ZDHHC15: variants seen among roughly 807,000 people sequenced by gnomAD.
ZDHHC15 encodes the protein palmitoyltransferase ZDHHC15.
ZDHHC15 carries 19 observed loss-of-function variants against 31.7 expected under a neutral mutation model. The observed-to-expected ratio is 0.60, with a 90% CI of 0.42 to 0.88. ZDHHC15 has a LOEUF of 0.88. Among genes scored for constraint, ZDHHC15 ranks in the 40% least tolerant of loss-of-function variants. ZDHHC15 has a pLI of 0.00. For missense variants in ZDHHC15, 209 were observed against 251.2 expected (o/e 0.83, Z 1.14); for synonymous variants, 103 against 90.0 (o/e 1.14, Z -0.82).
At chrX:75,396,070 A>G (rs184540079) in intron 10 of ZDHHC15, among the ~76,000 whole-genome samples, 11 of 112,348 alleles carry the variant, frequency 9.8e-5, no homozygotes, top group Non-Finnish European at 1.9e-4. Flanking sequence ...GAAATTCTTC[A>G]GGACATTGGA....
At chrX:75,374,942 T>C (rs1381950010) in intron 11 of ZDHHC15, among the ~76,000 whole-genome samples, 1 of 111,106 alleles carries the variant, frequency 9.0e-6, no homozygotes, top group Non-Finnish European at 1.9e-5. Context: ...GAAGAAAACC[T>C]TTGGGAGAGA....
intron 10 of ZDHHC15, among the ~76,000 whole-genome samples, chrX:75,408,346 A>C (rs1227987641): frequency 8.9e-6 from 1 of 112,320 alleles, no homozygotes; most frequent in Non-Finnish European, 1.9e-5. Context: ...AACCAAGAAA[A>C]AAAGCACATG....
chrX:75,486,124 T>C (rs779007844), intron 2 of ZDHHC15, among the ~76,000 whole-genome samples: 190 of 112,528 alleles, frequency 1.7e-3, no homozygotes, highest in African/African-American at 5.9e-3. Context: ...TCCCAAAGTA[T>C]GACACAGAGA....
In ZDHHC15 at chrX:75,414,587, G is replaced by A. The variant is rs369083070; in HGVS notation, c.967+2500C>T. On this transcript the variant is annotated intron_variant, in intron 10 of 11. Transcript: ENST00000373367. ...TGGGACTACAGGTGCCCGCAACCAC[G>A]TCTGGCTATTTTTTTTTTTTTTTTG... Among the ~76,000 whole-genome samples the A allele has an allele frequency of 7.8e-4, 59 of 75,537 alleles. 1 individual carries two copies. Among genetic ancestry groups the A allele is most frequent in the African/African-American group, 2.4e-3 (54 of 22,157 alleles). The allele number at this position is 75,537 out of a possible 115,157, so 65.6% of individuals were successfully genotyped here. A position where few individuals can be genotyped will look rare whatever the true frequency, so the allele number is the denominator to read the frequency against.
chrX:75,498,332 T>C lies in ZDHHC15; in HGVS notation c.163+7489A>G, dbSNP rs2085039406. ...GGTAAAGAGAGAAAAAAAATCCAAATCTGTAGAGAAATTCAAACTGTTGCT... is the reference window on the plus strand; with the variant it reads ...GGTAAAGAGAGAAAAAAAATCCAAACCTGTAGAGAAATTCAAACTGTTGCT... On this transcript the variant is annotated intron_variant, in intron 2 of 11. Transcript: ENST00000373367. Among the ~76,000 whole-genome samples the C allele has an allele frequency of 1.8e-5, 2 of 110,946 alleles. 1 individual carries two copies. The highest frequency in any genetic ancestry group is 1.9e-4 in the Admixed American group (2 of 10,381).
intron 10 of ZDHHC15, among the ~76,000 whole-genome samples, chrX:75,400,751 A>T (rs149874059): frequency 0.018 from 1,982 of 111,584 alleles, 48 homozygotes; most frequent in African/African-American, 0.061. Context: ...GGTCACCTTC[A>T]AAGGGATCCC....
chrX:75,376,181 AT>A (rs1222336346), intron 11 of ZDHHC15, among the ~76,000 whole-genome samples: 3 of 105,640 alleles, frequency 2.8e-5, no homozygotes, highest in Non-Finnish European at 3.9e-5. Flanking sequence ...TTTTTTTCAT[AT>A]GTTTGTTGGC....
At chrX:75,518,001 C>T (rs1434346354) in intron 1 of ZDHHC15, among the ~76,000 whole-genome samples, 1 of 109,674 alleles carries the variant, frequency 9.1e-6, no homozygotes, top group East Asian at 2.9e-4. Context: ...AACAAACAAA[C>T]AAACAAAAAA....
chrX:75,434,717 C>T (rs918054739), intron 4 of ZDHHC15, among the ~76,000 whole-genome samples: 2 of 112,125 alleles, frequency 1.8e-5, no homozygotes, highest in Non-Finnish European at 1.9e-5. Flanking sequence ...TATACCTGTA[C>T]CATGCTGCTT....
rs765755642 is a variant in ZDHHC15 at position 75,424,602 on chromosome X, C to A, written c.736+50G>T. The A allele has an allele frequency of 3.5e-6, 4 of 1,142,020 alleles. No individual in the cohort carries two copies. In the South Asian group the frequency reaches 6.7e-5, roughly 19 times the overall value. The allele number at this position is 1,142,020 out of a possible 1,213,427, so 94.1% of individuals were successfully genotyped here. ...TTAATTGGGAACAATTCACAGGTCC[C>A]TCTGATACACATTAATATGTTTTTT... is the stretch of plus-strand genomic sequence containing the variant. On this transcript the variant is annotated intron_variant, in intron 8 of 11. Transcript: ENST00000373367.
At chrX:75,404,015 G>A (rs1426793383) in intron 10 of ZDHHC15, among the ~76,000 whole-genome samples, 1 of 111,759 alleles carries the variant, frequency 8.9e-6, no homozygotes, top group Non-Finnish European at 1.9e-5. Flanking sequence ...CATAGTACTG[G>A]TACAAAAACA....
intron 10 of ZDHHC15, among the ~76,000 whole-genome samples, chrX:75,381,037 TG>T (rs1291330297): frequency 9.0e-6 from 1 of 111,497 alleles, no homozygotes; most frequent in African/African-American, 3.3e-5. Flanking sequence ...CAGTGGAGTC[TG>T]GGAAAACTTA....
intron 10 of ZDHHC15, among the ~76,000 whole-genome samples, chrX:75,413,621 C>T (rs1357220189): frequency 5.5e-5 from 6 of 108,164 alleles, no homozygotes; most frequent in South Asian, 4.1e-4. Flanking sequence ...GCCGAGATTG[C>T]GCCACTGCAC....
chrX:75,418,682 C>T (rs2083579035), intron 9 of ZDHHC15, among the ~76,000 whole-genome samples: 1 of 111,646 alleles, frequency 9.0e-6, no homozygotes, highest in East Asian at 2.8e-4. Flanking sequence ...ACCATCTGAC[C>T]TTTGACAAAA....
chrX:75,480,963 C>T lies in ZDHHC15; in HGVS notation c.164-1978G>A, dbSNP rs769068239. Among the ~76,000 whole-genome samples, 42 of 111,322 alleles carry T rather than the reference C, an allele frequency of 3.8e-4. 1 individual carries two copies. In the South Asian group the frequency reaches 0.012, roughly 32 times the overall value. On this transcript the variant is annotated intron_variant, in intron 2 of 11. Coordinates refer to ENST00000373367, the MANE Select transcript of ZDHHC15 (RefSeq NM_144969.3). The stretch of plus-strand genomic sequence containing the variant: ...TATTCTCATCATCAATAAGTGAGAG[C>T]GCCTCTTCCATTGCCCTCTAGAATT...
intron 10 of ZDHHC15, among the ~76,000 whole-genome samples, chrX:75,379,480 T>C (rs1182106537): frequency 8.9e-6 from 1 of 112,211 alleles, no homozygotes; most frequent in Non-Finnish European, 1.9e-5. Flanking sequence ...CTCAACATAA[T>C]CTGACTTTAA....
intron 3 of ZDHHC15, among the ~76,000 whole-genome samples, chrX:75,478,255 C>A (rs1453807275): frequency 1.8e-5 from 2 of 111,859 alleles, no homozygotes; most frequent in Admixed American, 9.5e-5. Flanking sequence ...AATGAAATAA[C>A]AGCACTAAAT....
At chrX:75,446,126 AT>A (rs2147898600) in intron 4 of ZDHHC15, among the ~76,000 whole-genome samples, 1 of 112,328 alleles carries the variant, frequency 8.9e-6, no homozygotes, top group Admixed American at 9.5e-5. Context: ...TCTAGGGAAC[AT>A]AGGTGGAAAC....
chrX:75,436,439 T>C (rs1240728348), intron 4 of ZDHHC15, among the ~76,000 whole-genome samples: 1 of 112,012 alleles, frequency 8.9e-6, no homozygotes, highest in Admixed American at 9.5e-5. Context: ...TGTCCATTTG[T>C]GCTCTTTCAG....
Sources: allele counts gnomAD v4.1 joint callset (sites outside exome capture counted in the v4.1 genomes callset), GRCh38; gene constraint gnomAD v4.1.1; transcripts MANE v1.5; gene names NCBI Gene and HGNC (gene_info 2026-07-23, HGNC 2026-07-21).